BDP1: variants seen among roughly 807,000 people sequenced by gnomAD.
BDP1 encodes transcription factor TFIIIB component B'' homolog.
A neutral mutation model predicts 266.6 loss-of-function variants in BDP1; 169 were observed. The ratio of observed to expected loss-of-function variants is 0.63; its 90% CI spans 0.56 to 0.72. The LOEUF is 0.72. BDP1 is among the 30% of genes least tolerant of loss of function. The pLI, the probability that BDP1 is intolerant of heterozygous loss-of-function variation, is 0.00. For missense variants in BDP1, 3,015 were observed against 3,053.8 expected (o/e 0.99, Z 0.30); for synonymous variants, 1,090 against 1,022.4 (o/e 1.07, Z -1.26).
At chr5:71,540,384 A>G (rs1391458242) in intron 28 of BDP1, among the ~76,000 whole-genome samples, 5 of 152,032 alleles carry the variant, frequency 3.3e-5, no homozygotes, top group Admixed American at 6.6e-5. Context: ...CTGGAGTGCA[A>G]TGGTGCGATC....
intron 7 of BDP1, among the ~76,000 whole-genome samples, chr5:71,480,276 A>C (rs1762865809): frequency 1.1e-5 from 1 of 94,666 alleles, no homozygotes. Context: ...ATGCCCAGCT[A>C]ATTTTTTTTT....
Position 71,562,533 on chromosome 5 carries a change from T to A in BDP1, c.7743+13T>A, listed in dbSNP as rs768008409. On this transcript the variant is annotated intron_variant, in intron 38 of 38. Coordinates refer to ENST00000358731, the MANE Select transcript of BDP1 (RefSeq NM_018429.3). ...CTCAGCAACTCAGGTATGTGATAACTACTGTATTTTATAGTTTGTATGAGA... is the reference window on the plus strand; with the variant it reads ...CTCAGCAACTCAGGTATGTGATAACAACTGTATTTTATAGTTTGTATGAGA... The A allele has an allele frequency of 6.8e-6, 11 of 1,610,418 alleles. No homozygotes were observed. In the African/African-American group the frequency reaches 1.5e-4, roughly 22 times the overall value.
intron 9 of BDP1, among the ~76,000 whole-genome samples, chr5:71,488,601 G>T (rs928898669): frequency 2.0e-5 from 3 of 151,806 alleles, no homozygotes; most frequent in Admixed American, 2.0e-4. Flanking sequence ...GCTAATTTTT[G>T]TATTTTTAGT....
chr5:71,564,026 C>A (rs991123899), intron 38 of BDP1, among the ~76,000 whole-genome samples: 1 of 152,176 alleles, frequency 6.6e-6, no homozygotes, highest in Non-Finnish European at 1.5e-5. Flanking sequence ...ATCTTTTGAT[C>A]CATCTAGAAT....
intron 6 of BDP1, among the ~76,000 whole-genome samples, 174 bp from the exon 7 acceptor site, chr5:71,470,221 G>A (rs898798737): frequency 6.6e-6 from 1 of 152,132 alleles, no homozygotes; most frequent in Admixed American, 6.6e-5. Flanking sequence ...GAGCCACCAT[G>A]CCCAGCCTAC....
intron 4 of BDP1, among the ~76,000 whole-genome samples, chr5:71,465,183 G>C (rs1236594523): frequency 6.6e-6 from 1 of 151,986 alleles, no homozygotes; most frequent in Non-Finnish European, 1.5e-5. Flanking sequence ...TTTCCTTAAG[G>C]CTCAAATGAG....
intron 25 of BDP1, among the ~76,000 whole-genome samples, chr5:71,525,395 A>AC (rs553807042): frequency 1.1e-5 from 1 of 93,642 alleles, no homozygotes; most frequent in African/African-American, 4.1e-5. Context: ...CGGGGGGCTG[A>AC]CCCCCCCACC....
intron 17 of BDP1, among the ~76,000 whole-genome samples, chr5:71,511,932 A>G (rs909968349): frequency 3.3e-5 from 5 of 151,428 alleles, no homozygotes; most frequent in African/African-American, 1.2e-4. Flanking sequence ...TTCACTTCTA[A>G]AAGTTCTTTT....
In BDP1 at chr5:71,517,484, C is replaced by T. The variant is rs762704773; in HGVS notation, c.4991+32C>T. On this transcript the variant is annotated intron_variant, in intron 22 of 38. Transcript: ENST00000358731. ...TTGCTTTTAATGAGAAAAAATAAGA[C>T]TTTTCAAAGATAAAAGTTATATTTT... The T allele has an allele frequency of 1.7e-5, 26 of 1,528,286 alleles. No individual in the cohort carries two copies. In the South Asian group the frequency reaches 2.9e-4, roughly 17 times the overall value. The allele number at this position is 1,528,286 out of a possible 1,614,324, so 94.7% of individuals were successfully genotyped here. A position where few individuals can be genotyped will look rare whatever the true frequency, so the allele number is the denominator to read the frequency against.
intron 7 of BDP1, chr5:71,476,148 A>G (rs1031705286): frequency 6.5e-6 from 1 of 154,014 alleles, no homozygotes; most frequent in African/African-American, 2.4e-5. Flanking sequence ...GCCTAATTTG[A>G]TGAGTTCTAA....
chr5:71,503,502 A>G (rs1764388805), intron 15 of BDP1, among the ~76,000 whole-genome samples: 1 of 152,212 alleles, frequency 6.6e-6, no homozygotes. Context: ...TGTTTTGAAG[A>G]AATAAGTACA....
At chr5:71,498,658 A>C (rs1764039287) in intron 13 of BDP1, among the ~76,000 whole-genome samples, 1 of 149,662 alleles carries the variant, frequency 6.7e-6, no homozygotes, top group African/African-American at 2.5e-5. Flanking sequence ...TCCTGACCTC[A>C]TGTGATCCAC....
rs897904199 is a variant in BDP1, at chr5:71,539,180, C to T, written c.5929+102C>T. ...TGAATCAGTTTGCTGGAGAGTTTAA[C>T]AAAAAGATTCAGCTATTGAATGTGT... On this transcript the variant is annotated intron_variant, in intron 27 of 38. Coordinates refer to ENST00000358731, the MANE Select transcript of BDP1 (RefSeq NM_018429.3). The T allele has an allele frequency of 1.2e-5, 9 of 768,936 alleles. No homozygotes were observed. The African/African-American group carries it at 1.6e-4, about 14-fold the overall frequency. 47.6% of individuals were successfully genotyped at this position (768,936 alleles called of 1,614,324 possible).
intron 22 of BDP1, among the ~76,000 whole-genome samples, chr5:71,519,728 G>C (rs897261364): frequency 1.3e-5 from 2 of 152,166 alleles, no homozygotes; most frequent in Non-Finnish European, 2.9e-5. Context: ...TGGACACTTA[G>C]GTTGATATTA....
At position 71,564,734 on chromosome 5, in the gene BDP1, TA is replaced by T; in HGVS notation, c.7744-19del. ...TTGTATTACAGTTTTATTTTTACTT[TA>T]TTTTTATTACCTTTTTAGGTTTCTT... On this transcript the variant is annotated intron_variant, in intron 38 of 38. Coordinates refer to ENST00000358731, the MANE Select transcript of BDP1 (RefSeq NM_018429.3). 1 of 1,581,402 alleles carries T rather than the reference TA, an allele frequency of 6.3e-7. No individual in the cohort carries two copies. Among genetic ancestry groups the T allele is most frequent in the South Asian group, 1.1e-5 (1 of 87,066 alleles).
Position 71,510,903 on chromosome 5 carries a change from A to G in BDP1, c.3811A>G (p.Lys1271Glu). ...DIPIMEKVSG[K>E]MAVVEEMEAD... is the part of the protein sequence containing the mutation. ...TCCCATCATGGAGAAAGTATCAGGA[A>G]AGATGGCTGTTGTTGAAGAAATGGA... The change falls in exon 17 of 39, where the codon AAG becomes GAG. Residue 1271 changes from lysine to glutamate, a missense_variant. Lys to Glu is a moderately conservative substitution (Grantham distance 56). This residue lies in a region of BDP1 where 2,383 missense variants were observed against 2,404.9 expected (regional missense o/e 0.99). Transcript: ENST00000358731. 1 of 1,613,840 alleles carries G rather than the reference A, an allele frequency of 6.2e-7. No individual in the cohort carries two copies. Among genetic ancestry groups the G allele is most frequent in the Non-Finnish European group, 8.5e-7 (1 of 1,179,790 alleles).
At chr5:71,518,233 G>A (rs1179025224) in intron 22 of BDP1, among the ~76,000 whole-genome samples, 2 of 152,108 alleles carry the variant, frequency 1.3e-5, no homozygotes, top group African/African-American at 2.4e-5. Context: ...TTTTAGTGAA[G>A]TATTTATTAA....
In BDP1 at chr5:71,541,515, A is replaced by G. The variant is rs1304427388; in HGVS notation, c.6084A>G (p.Leu2028=). 1 of 1,609,320 alleles carries G rather than the reference A, an allele frequency of 6.2e-7. No individual in the cohort carries two copies. The highest frequency in any genetic ancestry group is 8.5e-7 in the Non-Finnish European group (1 of 1,176,732). ...ATAAAAGCCATATTCCTTCTAGCCT[A>G]GATAATGTAAATCACAAAATTGTTC... ...SKDKSHIPSS[L]DNVNHKIVHE... The change falls in exon 29 of 39, where the codon CTA becomes CTG. Residue 2028 remains leucine (L), a synonymous_variant. Transcript: ENST00000358731.
In BDP1 at chr5:71,524,233, C is replaced by G. The variant is rs535650719; in HGVS notation, c.5682C>G (p.Pro1894=). 55 of 1,613,972 alleles carry G rather than the reference C, an allele frequency of 3.4e-5. No individual in the cohort carries two copies. The Admixed American group carries it at 6.7e-4, about 20-fold the overall frequency. ...DYEEESYHLA[P]EEVNKAPVFV... is the part of the protein sequence containing the mutation. The stretch of plus-strand genomic sequence containing the variant: ...AGGAAGAAAGCTATCATCTTGCTCC[C>G]GAAGAAGTAAACAAAGCTCCAGTAT... Residue 1894 remains proline, a synonymous_variant, in exon 25 of 39, where the codon CCC becomes CCG. Coordinates refer to ENST00000358731, the MANE Select transcript of BDP1 (RefSeq NM_018429.3).
Sources: allele counts gnomAD v4.1 joint callset (sites outside exome capture counted in the v4.1 genomes callset), GRCh38; gene constraint gnomAD v4.1.1; regional missense constraint gnomAD v4.1.1; transcripts MANE v1.5; gene names NCBI Gene and HGNC (gene_info 2026-07-23, HGNC 2026-07-21).